The following SERPINB9 variants were observed in gnomAD, a reference collection of about 807,000 sequenced individuals.
The protein encoded by SERPINB9 is serpin B9.
Under a neutral mutation model 27.2 loss-of-function variants are expected in SERPINB9, and 20 were observed. The observed-to-expected ratio is 0.74, with a 90% CI of 0.52 to 1.07. The LOEUF (loss-of-function observed/expected upper bound fraction) is 1.07, where lower values mean the gene tolerates loss of function less well. Among genes scored for constraint, SERPINB9 ranks in the 50% least tolerant of loss-of-function variants. SERPINB9 has a pLI of 0.00. For synonymous variants in SERPINB9, 189 were observed against 180.0 expected (o/e 1.05, Z -0.40); for missense variants, 476 against 460.1 (o/e 1.03, Z -0.32).
rs1767691701 is a variant in SERPINB9, at chr6:2,889,185, TATC to T, written c.*975_*977del. ...TACTGTTAGAGGTAGAGAAATACAATATCATAAAGAAAGATGTGATCCCTACAA... is the reference window on the plus strand; with the variant it reads ...TACTGTTAGAGGTAGAGAAATACAATATAAAGAAAGATGTGATCCCTACAA... On this transcript the variant is annotated 3_prime_UTR_variant, in exon 7 of 7. Coordinates refer to ENST00000380698, the MANE Select transcript of SERPINB9 (RefSeq NM_004155.6). The T allele has an allele frequency of 1.3e-5, 2 of 152,128 alleles. No individual in the cohort carries two copies. Among genetic ancestry groups the T allele is most frequent in the African/African-American group, 4.8e-5 (2 of 41,404 alleles). 9.4% of individuals were successfully genotyped at this position (152,128 alleles called of 1,614,324 possible).
In SERPINB9 at chr6:2,891,116, G is replaced by A. The variant is rs374071207; in HGVS notation, c.724-546C>T. On this transcript the variant is annotated intron_variant, in intron 6 of 6. Transcript: ENST00000380698. The surrounding 1 kb of genome is among the most constrained non-coding windows in gnomAD (Gnocchi z 4.0). ...CAGAGGGAGAGCCAATGGCTGCTGC[G>A]CACACAGACCTCTTAAGTCATGGGG... 2.6e-4 allele frequency among the ~76,000 whole-genome samples: 40 copies of A among 152,244 alleles called. No homozygotes were observed. The South Asian group carries it at 5.4e-3, about 21-fold the overall frequency.
chr6:2,901,528 G>C (rs932568597), intron 1 of SERPINB9, among the ~76,000 whole-genome samples: 5 of 152,210 alleles, frequency 3.3e-5, no homozygotes, highest in Non-Finnish European at 7.3e-5. Context: ...TAAAACAGGC[G>C]AGAACAAGGA....
intron 1 of SERPINB9, among the ~76,000 whole-genome samples, chr6:2,901,517 G>C (rs1768201625): frequency 1.3e-5 from 2 of 152,350 alleles, no homozygotes; most frequent in East Asian, 3.9e-4. Context: ...AAGGTGAGGA[G>C]TAAAACAGGC....
chr6:2,898,106 C>T (rs1768062172), intron 2 of SERPINB9, among the ~76,000 whole-genome samples: 1 of 149,982 alleles, frequency 6.7e-6, no homozygotes, highest in Admixed American at 6.6e-5. Context: ...ACAAAACAAA[C>T]AAAAAACAGA....
At position 2,891,837 on chromosome 6, in the gene SERPINB9, C is replaced by T; in HGVS notation, c.719G>A (p.Ser240Asn). ...VLLPDDGVEL[S>N]TVEKSLTFEK... ...TTCCCGCAGCCCGGGTCTTACCGTG[C>T]TGAGCTCCACGCCGTCGTCAGGCAG... Residue 240 changes from serine (S) to asparagine (N), a missense_variant, in exon 6 of 7, where the codon AGC becomes AAC. By Grantham distance (46) the Ser-to-Asn change is conservative. Coordinates refer to ENST00000380698, the MANE Select transcript of SERPINB9 (RefSeq NM_004155.6). The surrounding 1 kb of genome is among the most constrained non-coding windows in gnomAD (Gnocchi z 4.0). 1 of 1,602,660 alleles carries T rather than the reference C, an allele frequency of 6.2e-7. No individual in the cohort carries two copies. Among genetic ancestry groups the T allele is most frequent in the Non-Finnish European group, 8.5e-7 (1 of 1,177,944 alleles).
rs1767648243 is a variant in SERPINB9, at chr6:2,887,841, T to C, written c.*2322A>G. ...CAGCCTGGGTGACAGAGTGAGGCAC[T>C]GTCTCAAAAAAAAAAAAAAAAAAAA... On this transcript the variant is annotated 3_prime_UTR_variant, in exon 7 of 7. Coordinates refer to ENST00000380698, the MANE Select transcript of SERPINB9 (RefSeq NM_004155.6). 8.3e-6 allele frequency: 1 copy of C among 120,804 alleles called. No homozygotes were observed. Among genetic ancestry groups the C allele is most frequent in the Middle Eastern group, 4.8e-3 (1 of 210 alleles). The allele number at this position is 120,804 out of a possible 1,614,324, so 7.5% of individuals were successfully genotyped here. A position where few individuals can be genotyped will look rare whatever the true frequency, so the allele number is the denominator to read the frequency against.
rs758111221 is a variant in SERPINB9, at chr6:2,891,958, G to C, written c.598C>G (p.Gln200Glu). 1 of 1,613,622 alleles carries C rather than the reference G, an allele frequency of 6.2e-7. No homozygotes were observed. Among genetic ancestry groups the C allele is most frequent in the Non-Finnish European group, 8.5e-7 (1 of 1,179,934 alleles). The change falls in exon 6 of 7, where the codon CAG becomes GAG. Residue 200 changes from glutamine (Q) to glutamate (E), a missense_variant. Coordinates refer to ENST00000380698, the MANE Select transcript of SERPINB9 (RefSeq NM_004155.6). The surrounding 1 kb of genome is among the most constrained non-coding windows in gnomAD (Gnocchi z 4.0). ...EEQRPVQMMY[Q>E]EATFKLAHVG... ...TGGGCGAGCTTAAACGTGGCCTCCT[G>C]ATACATCATCTGCACTGGCCTTTGC...
intron 5 of SERPINB9, 117 bp from the exon 6 acceptor site, chr6:2,892,105 TAAAAAAA>T (rs535487251): frequency 0.081 from 9,357 of 115,610 alleles, 73 homozygotes; most frequent in Middle Eastern, 0.16. Context: ...CAGTTAACAC[TAAAAAAA>T]AAAAAAAAAA....
In SERPINB9 at chr6:2,894,446, AC is replaced by A. The variant is rs756298816; in HGVS notation, c.425-894del. Reference sequence around the variant, plus strand: ...ATGGAGGGTATTTTCAGTCTGTGGAACTGATCAGCCCTGAGAGAGGGTCGGC... The same window carrying A: ...ATGGAGGGTATTTTCAGTCTGTGGAATGATCAGCCCTGAGAGAGGGTCGGC... On this transcript the variant is annotated intron_variant, in intron 4 of 6. Coordinates refer to ENST00000380698, the MANE Select transcript of SERPINB9 (RefSeq NM_004155.6). This position sits in a 1 kb window ranked among gnomAD's most constrained non-coding sequence, Gnocchi z 4.7. Among the ~76,000 whole-genome samples the A allele has an allele frequency of 6.6e-6, 1 of 152,128 alleles. No individual in the cohort carries two copies. Among genetic ancestry groups the A allele is most frequent in the Non-Finnish European group, 1.5e-5 (1 of 68,028 alleles).
At chr6:2,900,214 G>A (rs889605119) in intron 2 of SERPINB9, among the ~76,000 whole-genome samples, 1 of 151,938 alleles carries the variant, frequency 6.6e-6, no homozygotes, top group Non-Finnish European at 1.5e-5. Flanking sequence ...TTTTCCAAGG[G>A]ATTAACCGAG....
intron 1 of SERPINB9, among the ~76,000 whole-genome samples, chr6:2,900,891 A>T (rs113242224): frequency 6.9e-6 from 1 of 145,186 alleles, no homozygotes; most frequent in African/African-American, 2.7e-5. Flanking sequence ...TCTCTCACAC[A>T]CACACACACA....
rs775875783 is a variant in SERPINB9, at chr6:2,900,635, A to G, written c.-10-14T>C. On this transcript the variant is annotated splice_polypyrimidine_tract_variant and intron_variant, in intron 1 of 6. Coordinates refer to ENST00000380698, the MANE Select transcript of SERPINB9 (RefSeq NM_004155.6). ...ATGATGCAGGGCCTGGAAGGGAAGA[A>G]TAAAGAGAAATGCAGTTTCCACACT... 3.1e-6 allele frequency: 5 copies of G among 1,610,932 alleles called. No individual in the cohort carries two copies. In the Admixed American group the frequency reaches 6.7e-5, roughly 22 times the overall value.
In SERPINB9 at chr6:2,898,204, AT is replaced by A. The variant is rs901867245; in HGVS notation, c.169-2015del. ...AAAGGCTTAGATGATCTTTTGAGGG[AT>A]TTTTTTTTCTAATATTCAAGCAATT... On this transcript the variant is annotated intron_variant, in intron 2 of 6. Coordinates refer to ENST00000380698, the MANE Select transcript of SERPINB9 (RefSeq NM_004155.6). Among the ~76,000 whole-genome samples, 23 of 151,820 alleles carry A rather than the reference AT, an allele frequency of 1.5e-4. No individual in the cohort carries two copies. The South Asian group carries it at 2.3e-3, about 15-fold the overall frequency.
rs1215508545 is a variant in SERPINB9, at chr6:2,888,532, A to C, written c.*1631T>G. On this transcript the variant is annotated 3_prime_UTR_variant, in exon 7 of 7. Coordinates refer to ENST00000380698, the MANE Select transcript of SERPINB9 (RefSeq NM_004155.6). ...AAATGAAGTGTTGATACATGCTACT[A>C]TGTAAATAAATCTCAAAAACTTGTA... is the stretch of plus-strand genomic sequence containing the variant. The C allele has an allele frequency of 6.6e-6, 1 of 152,240 alleles. No homozygotes were observed. Among genetic ancestry groups the C allele is most frequent in the African/African-American group, 2.4e-5 (1 of 41,468 alleles). 9.4% of individuals were successfully genotyped at this position (152,240 alleles called of 1,614,324 possible).
intron 2 of SERPINB9, among the ~76,000 whole-genome samples, chr6:2,899,453 C>G (rs1477339063): frequency 6.6e-6 from 1 of 152,202 alleles, no homozygotes; most frequent in Non-Finnish European, 1.5e-5. Flanking sequence ...CTCACACTGA[C>G]ATCACCTTCG....
chr6:2,890,437 T>A lies in SERPINB9; in HGVS notation c.857A>T (p.His286Leu), dbSNP rs1475158493. The part of the protein sequence containing the change: ...EDYDMESVLR[H>L]LGIVDAFQQG... ...TTGGAAGGCATCAACAATTCCCAAA[T>A]GCCGAAGCACAGATTCCATGTCATA... is the stretch of plus-strand genomic sequence containing the variant. Residue 286 changes from histidine (H) to leucine (L), a missense_variant, in exon 7 of 7, where the codon CAT (histidine) becomes CTT (leucine). By Grantham distance (99) the His-to-Leu change is moderately conservative. Coordinates refer to ENST00000380698, the MANE Select transcript of SERPINB9 (RefSeq NM_004155.6). The surrounding 1 kb of genome is among the most constrained non-coding windows in gnomAD (Gnocchi z 6.2). The A allele has an allele frequency of 2.5e-6, 4 of 1,614,094 alleles. No homozygotes were observed. Among genetic ancestry groups the A allele is most frequent in the Non-Finnish European group, 3.4e-6 (4 of 1,180,040 alleles).
In SERPINB9 at chr6:2,895,969, C is replaced by T. The variant is rs371198601; in HGVS notation, c.306+84G>A. 503 of 1,405,464 alleles carry T rather than the reference C, an allele frequency of 3.6e-4. 2 individuals carry two copies. In the African/African-American group the frequency reaches 6.3e-3, roughly 18 times the overall value. The allele number at this position is 1,405,464 out of a possible 1,614,324, so 87.1% of individuals were successfully genotyped here. ...TTTAAATTGGTTAACATAAATTTCT[C>T]AATTTCTCTAGGGTCTTTCTCCCAG... is the stretch of plus-strand genomic sequence containing the variant. On this transcript the variant is annotated intron_variant, in intron 3 of 6. Coordinates refer to ENST00000380698, the MANE Select transcript of SERPINB9 (RefSeq NM_004155.6).
intron 2 of SERPINB9, among the ~76,000 whole-genome samples, chr6:2,897,539 G>A (rs11755924): frequency 6.6e-6 from 1 of 152,120 alleles, no homozygotes; most frequent in Non-Finnish European, 1.5e-5. Flanking sequence ...CAAAATATGG[G>A]TGATATATAT....
intron 3 of SERPINB9, 100 bp downstream of exon 3, chr6:2,895,953 G>T: frequency 7.7e-7 from 1 of 1,306,634 alleles, no homozygotes; most frequent in Non-Finnish European, 1.0e-6. Flanking sequence ...TTTTAAATTG[G>T]TTAACATAAA....
Sources: allele counts gnomAD v4.1 joint callset (sites outside exome capture counted in the v4.1 genomes callset), GRCh38; gene constraint gnomAD v4.1.1; non-coding constraint Gnocchi (gnomAD v3.1); transcripts MANE v1.5; gene names NCBI Gene and HGNC (gene_info 2026-07-23, HGNC 2026-07-21).